Variants in KDM2A observed in about 807,000 individuals in gnomAD.
KDM2A encodes the protein lysine-specific demethylase 2A.
Under a neutral mutation model 137.3 loss-of-function variants are expected in KDM2A, and 3 were observed. The observed-to-expected ratio is 0.02, with a 90% CI of 0.01 to 0.06. The LOEUF (loss-of-function observed/expected upper bound fraction) is 0.06. Ranked by LOEUF, KDM2A falls within the 10% of genes least tolerant of loss-of-function variation. The pLI, the probability that KDM2A is intolerant of heterozygous loss-of-function variation, is 1.00. For synonymous variants in KDM2A, 512 were observed against 541.5 expected (o/e 0.95, Z 0.76); for missense variants, 738 against 1,510.6 (o/e 0.49, Z 8.48).
chr11:67,216,795 C>T (rs570449179), intron 8 of KDM2A, among the ~76,000 whole-genome samples: 1 of 152,256 alleles, frequency 6.6e-6, no homozygotes, highest in African/African-American at 2.4e-5. Context: ...TGGTACATGC[C>T]TATAATCCCA....
At chr11:67,138,415 A>G (rs558933307) in intron 2 of KDM2A, among the ~76,000 whole-genome samples, 7 of 152,308 alleles carry the variant, frequency 4.6e-5, no homozygotes, top group African/African-American at 1.2e-4. Context: ...CAAGGTTCTT[A>G]GTTCTAATAA....
At chr11:67,240,950 C>G (rs1859021200) in intron 12 of KDM2A, among the ~76,000 whole-genome samples, 1 of 152,218 alleles carries the variant, frequency 6.6e-6, no homozygotes, top group Non-Finnish European at 1.5e-5. Context: ...ACACAGTTTT[C>G]CGCCTACCCT....
intron 5 of KDM2A, among the ~76,000 whole-genome samples, chr11:67,197,878 A>G (rs1236484914): frequency 7.2e-5 from 11 of 152,212 alleles, no homozygotes; most frequent in Admixed American, 6.5e-4. Flanking sequence ...GGAATTCCTC[A>G]GAAACTTAAC....
At chr11:67,149,560 T>C (rs1565378552) in intron 2 of KDM2A, among the ~76,000 whole-genome samples, 3 of 152,074 alleles carry the variant, frequency 2.0e-5, no homozygotes, top group African/African-American at 4.8e-5. Flanking sequence ...ACCTTAATCC[T>C]AACCCCTTCA....
chr11:67,235,557 C>T (rs1477884373), intron 12 of KDM2A, among the ~76,000 whole-genome samples: 1 of 151,840 alleles, frequency 6.6e-6, no homozygotes, highest in Non-Finnish European at 1.5e-5. Flanking sequence ...CCCGCCTCTG[C>T]CTCCCAAAGT....
At chr11:67,121,140 G>A in intron 1 of KDM2A, 94 bp from the exon 2 acceptor site, 1 of 603,078 alleles carries the variant, frequency 1.7e-6, no homozygotes, top group South Asian at 2.1e-5. Flanking sequence ...TTTTCAGAGA[G>A]CCTTTAACAC....
intron 2 of KDM2A, among the ~76,000 whole-genome samples, chr11:67,156,248 CA>C (rs767497410): frequency 0.027 from 2,899 of 108,676 alleles, 46 homozygotes; most frequent in African/African-American, 0.064. Context: ...AACTCCGTCT[CA>C]AAAAAAAAAA....
chr11:67,202,137 G>A (rs778566902), intron 5 of KDM2A, among the ~76,000 whole-genome samples: 2 of 152,160 alleles, frequency 1.3e-5, no homozygotes, highest in Non-Finnish European at 2.9e-5. Context: ...GCTAGAATTA[G>A]AAATGGAGTC....
intron 15 of KDM2A, among the ~76,000 whole-genome samples, chr11:67,247,037 T>TTATA (rs59101290): frequency 9.3e-3 from 309 of 33,064 alleles, no homozygotes; most frequent in East Asian, 0.016. Flanking sequence ...ATAAATTATT[T>TTATA]TATATATATA....
At position 67,254,859 on chromosome 11, in the gene KDM2A, C is replaced by T. The variant is rs1187996709; in HGVS notation, c.3308-15C>T. 2 of 1,611,856 alleles carry T rather than the reference C, an allele frequency of 1.2e-6. No individual in the cohort carries two copies. The highest frequency in any genetic ancestry group is 1.7e-6 in the Non-Finnish European group (2 of 1,178,238). On this transcript the variant is annotated splice_polypyrimidine_tract_variant and intron_variant, in intron 20 of 20. Transcript: ENST00000529006. The surrounding 1 kb of genome is among the most constrained non-coding windows in gnomAD (Gnocchi z 4.7). ...GTGTATGTGAGCACTGTCATTATGT[C>T]CACTTTCCCGACAGGTTGCAATAAA... is the stretch of plus-strand genomic sequence containing the variant.
At chr11:67,248,958 G>T (rs1859328299) in intron 16 of KDM2A, among the ~76,000 whole-genome samples, 1 of 152,202 alleles carries the variant, frequency 6.6e-6, no homozygotes, top group Non-Finnish European at 1.5e-5. Flanking sequence ...AGGGCCAAAA[G>T]GACTGTACTT....
rs1009147664 is a variant in KDM2A at position 67,119,786 on chromosome 11, C to T, written c.-347C>T. ...CGGGCCCGGGCTGCTGACCGCTGGCCTGGGGGAGGCGGGGGCGCCCCGGGC... is the reference window on the plus strand; with the variant it reads ...CGGGCCCGGGCTGCTGACCGCTGGCTTGGGGGAGGCGGGGGCGCCCCGGGC... On this transcript the variant is annotated 5_prime_UTR_variant, in exon 1 of 21. Transcript: ENST00000529006. The T allele has an allele frequency of 2.0e-5, 3 of 151,064 alleles. No individual in the cohort carries two copies. Among genetic ancestry groups the T allele is most frequent in the African/African-American group, 7.3e-5 (3 of 41,330 alleles). The allele number at this position is 151,064 out of a possible 1,614,324, so 9.4% of individuals were successfully genotyped here.
rs71056184 is a variant in KDM2A, at chr11:67,201,772, C to CAAAAAAAAAA, written c.308-5714_308-5705dup. Among the ~76,000 whole-genome samples the CAAAAAAAAAA allele has an allele frequency of 7.1e-4, 27 of 37,820 alleles. 1 individual carries two copies. The highest frequency in any genetic ancestry group is 1.5e-3 in the African/African-American group (13 of 8,496). 24.8% of individuals were successfully genotyped at this position (37,820 alleles called of 152,430 possible). A position where few individuals can be genotyped will look rare whatever the true frequency, so the allele number is the denominator to read the frequency against. ...TAGGCAACAGAGCTAGACTCCATCT[C>CAAAAAAAAAA]AAAAAAAAAAAAAAAAAAAAAAAAA... On this transcript the variant is annotated intron_variant, in intron 5 of 20. Coordinates refer to ENST00000529006, the MANE Select transcript of KDM2A (RefSeq NM_012308.3).
rs1392559890 is a variant in KDM2A, at chr11:67,257,050, TTTTC to T, written c.*1999_*2002del. The T allele has an allele frequency of 6.6e-6, 1 of 152,504 alleles. No individual in the cohort carries two copies. Among genetic ancestry groups the T allele is most frequent in the East Asian group, 1.9e-4 (1 of 5,198 alleles). 9.4% of individuals were successfully genotyped at this position (152,504 alleles called of 1,614,324 possible). On this transcript the variant is annotated 3_prime_UTR_variant, in exon 21 of 21. Coordinates refer to ENST00000529006, the MANE Select transcript of KDM2A (RefSeq NM_012308.3). ...ACCTATAATTGGAAGCTTCCTGCCT[TTTTC>T]TTTGGTTGCTCCTGTGGAAAATACT...
At chr11:67,141,027 A>G (rs1362238056) in intron 2 of KDM2A, among the ~76,000 whole-genome samples, 1 of 152,100 alleles carries the variant, frequency 6.6e-6, no homozygotes, top group African/African-American at 2.4e-5. Flanking sequence ...AGGTTGATAA[A>G]TACTACTCAT....
intron 5 of KDM2A, among the ~76,000 whole-genome samples, chr11:67,189,131 A>G (rs1408810404): frequency 6.6e-6 from 1 of 152,220 alleles, no homozygotes; most frequent in Non-Finnish European, 1.5e-5. Flanking sequence ...AAGTGTATGT[A>G]GGACATTTTC....
In KDM2A at chr11:67,254,126, G is replaced by A. The variant is rs962797481; in HGVS notation, c.3092-77G>A. On this transcript the variant is annotated intron_variant, in intron 19 of 20. Coordinates refer to ENST00000529006, the MANE Select transcript of KDM2A (RefSeq NM_012308.3). The surrounding 1 kb of genome is among the most constrained non-coding windows in gnomAD (Gnocchi z 4.7). ...TTCAAGGGGGCCTGGCCAGCAAGTA[G>A]CTGTTGCTGCCTGGAGCCTTGAAGC... The A allele has an allele frequency of 4.8e-5, 64 of 1,333,468 alleles. No homozygotes were observed. In the African/African-American group the frequency reaches 8.0e-4, roughly 17 times the overall value. 82.6% of individuals were successfully genotyped at this position (1,333,468 alleles called of 1,614,324 possible).
chr11:67,238,091 AATT>A (rs1858923261), intron 12 of KDM2A, among the ~76,000 whole-genome samples: 1 of 152,164 alleles, frequency 6.6e-6, no homozygotes, highest in African/African-American at 2.4e-5. Flanking sequence ...AGTTACATAT[AATT>A]ATTTTAAATA....
chr11:67,121,362 A>C lies in KDM2A; in HGVS notation c.42+4A>C, dbSNP rs757032822. 20 of 1,613,216 alleles carry C rather than the reference A, an allele frequency of 1.2e-5. No individual in the cohort carries two copies. In the East Asian group the frequency reaches 4.0e-4, roughly 32 times the overall value. The stretch of plus-strand genomic sequence containing the variant: ...GATTCGTTACAGCCAGAGATTGGTT[A>C]GTATTTTCTCCCCCCACCACACCCT... On this transcript the variant is annotated splice_donor_region_variant and intron_variant, in intron 2 of 20. Coordinates refer to ENST00000529006, the MANE Select transcript of KDM2A (RefSeq NM_012308.3).
Sources: allele counts gnomAD v4.1 joint callset (sites outside exome capture counted in the v4.1 genomes callset), GRCh38; gene constraint gnomAD v4.1.1; non-coding constraint Gnocchi (gnomAD v3.1); transcripts MANE v1.5; gene names NCBI Gene and HGNC (gene_info 2026-07-23, HGNC 2026-07-21).